Variants in CREB5 observed in about 807,000 individuals in gnomAD.
CREB5 encodes the protein cyclic AMP-responsive element-binding protein 5.
Under a neutral mutation model 57.1 loss-of-function variants are expected in CREB5, and 19 were observed. The ratio of observed to expected loss-of-function variants is 0.33; its 90% CI spans 0.23 to 0.49. CREB5 has a LOEUF of 0.49. CREB5 is among the 20% of genes least tolerant of loss of function. The probability of loss-of-function intolerance (pLI) is 0.99; values close to 1 mark genes in which losing one functional copy is unlikely to be tolerated. For synonymous variants in CREB5, 238 were observed against 238.3 expected, an observed-to-expected ratio of 1.00 and a Z score of 0.01; for missense variants, 579 against 671.6, an observed-to-expected ratio of 0.86 and a Z score of 1.52.
rs1000552121 is a variant in CREB5 at position 28,774,487 on chromosome 7, G to A, written c.703-29712G>A. ...CCCTGTGTGCTCTTCCCAGAATCCT[G>A]CATTTACAGTATGGACATTTGTTAT... On this transcript the variant is annotated intron_variant, in intron 7 of 10. Coordinates refer to ENST00000357727, the MANE Select transcript of CREB5 (RefSeq NM_182898.4). 2.2e-4 allele frequency among the ~76,000 whole-genome samples: 33 copies of A among 152,264 alleles called. 2 individuals carry two copies. The highest frequency in any genetic ancestry group is 7.2e-4 in the African/African-American group (30 of 41,564).
At chr7:28,594,864 C>T (rs1427425540) in intron 5 of CREB5, among the ~76,000 whole-genome samples, 1 of 151,984 alleles carries the variant, frequency 6.6e-6, no homozygotes, top group African/African-American at 2.4e-5. Flanking sequence ...TTAATTCTTC[C>T]TCCTCCTTCT....
At chr7:28,794,490 G>A (rs940260391) in intron 7 of CREB5, among the ~76,000 whole-genome samples, 6 of 152,198 alleles carry the variant, frequency 3.9e-5, no homozygotes, top group Admixed American at 3.9e-4. Context: ...AAAATTCCCA[G>A]GGAAACTAGC....
chr7:28,586,917 G>A (rs570343048), intron 5 of CREB5, among the ~76,000 whole-genome samples: 8 of 152,286 alleles, frequency 5.3e-5, no homozygotes, highest in South Asian at 2.1e-4. Flanking sequence ...GAAGGGCTGC[G>A]GACCAGAGTG....
intron 5 of CREB5, among the ~76,000 whole-genome samples, chr7:28,627,617 C>T (rs1400888535): frequency 6.6e-6 from 1 of 152,116 alleles, no homozygotes; most frequent in Non-Finnish European, 1.5e-5. Flanking sequence ...CATGACCTGC[C>T]TCTTGAAATG....
chr7:28,489,187 CTT>C (rs1383184435), intron 2 of CREB5, among the ~76,000 whole-genome samples: 2 of 151,628 alleles, frequency 1.3e-5, no homozygotes, highest in Non-Finnish European at 2.9e-5. Context: ...GAGTTACAGT[CTT>C]TCCCTCACTC....
chr7:28,524,316 AACACACACACACACACACACACACAC>A (rs4000595), intron 4 of CREB5, among the ~76,000 whole-genome samples: 5 of 136,652 alleles, frequency 3.7e-5, no homozygotes, highest in African/African-American at 1.1e-4. Flanking sequence ...GCCTCTACTA[AACACACACACACACACACACACACAC>A]ACACACACAC....
intron 7 of CREB5, among the ~76,000 whole-genome samples, chr7:28,780,262 C>A (rs545419640): frequency 6.6e-6 from 1 of 152,312 alleles, no homozygotes; most frequent in South Asian, 2.1e-4. Context: ...ACGAAAGAAG[C>A]TGAATGCCAT....
chr7:28,688,248 T>G (rs1473311010), intron 5 of CREB5, among the ~76,000 whole-genome samples: 2 of 152,092 alleles, frequency 1.3e-5, no homozygotes, highest in African/African-American at 2.4e-5. Flanking sequence ...ATGAGATAAA[T>G]TACCTAGGTG....
At chr7:28,408,732 C>CT, upstream of CREB5, among the ~76,000 whole-genome samples, 1 of 151,960 alleles carries the variant, frequency 6.6e-6, no homozygotes, top group Admixed American at 6.6e-5. Flanking sequence ...AGAGTGTGCA[C>CT]CATAAGGAAG....
chr7:28,451,692 T>C (rs1375903328), intron 1 of CREB5, among the ~76,000 whole-genome samples: 2 of 152,078 alleles, frequency 1.3e-5, no homozygotes, highest in African/African-American at 2.4e-5. Flanking sequence ...AGGTTGCATG[T>C]GCACAGAAGT....
At chr7:28,690,418 A>G (rs1405027031) in intron 5 of CREB5, among the ~76,000 whole-genome samples, 1 of 152,156 alleles carries the variant, frequency 6.6e-6, no homozygotes, top group African/African-American at 2.4e-5. Flanking sequence ...GAGCCCTTTT[A>G]CAGCAGGAAG....
At chr7:28,378,199 A>G (rs1482621426) in intron 1 of CREB5, among the ~76,000 whole-genome samples, 1 of 152,088 alleles carries the variant, frequency 6.6e-6, no homozygotes, top group African/African-American at 2.4e-5. Context: ...TCTGTAAGTT[A>G]GTCTTTAGCT....
At chr7:28,566,980 GGA>G (rs960865874) in intron 4 of CREB5, among the ~76,000 whole-genome samples, 9 of 152,096 alleles carry the variant, frequency 5.9e-5, no homozygotes, top group African/African-American at 1.7e-4. Flanking sequence ...AACTTTTGGG[GGA>G]GAGGGGATTA....
At chr7:28,653,443 C>T (rs1327429029) in intron 5 of CREB5, among the ~76,000 whole-genome samples, 1 of 152,124 alleles carries the variant, frequency 6.6e-6, no homozygotes, top group African/African-American at 2.4e-5. Context: ...TGAAAACATT[C>T]ATTATACATT....
chr7:28,581,067 G>A (rs1350941773), intron 5 of CREB5, among the ~76,000 whole-genome samples: 1 of 152,096 alleles, frequency 6.6e-6, no homozygotes, highest in Non-Finnish European at 1.5e-5. Flanking sequence ...TAACAAGATG[G>A]GTCTTCAGTT....
At chr7:28,315,487 G>C (rs934002020) in intron 1 of CREB5, among the ~76,000 whole-genome samples, 3 of 152,212 alleles carry the variant, frequency 2.0e-5, no homozygotes, top group African/African-American at 2.4e-5. Context: ...CCAGCCGGGT[G>C]CTGCAGAAAA....
intron 5 of CREB5, chr7:28,609,122 T>C (rs1461555705): frequency 6.6e-6 from 1 of 152,180 alleles, no homozygotes; most frequent in African/African-American, 2.4e-5. Context: ...AGACCTGAGG[T>C]AGGTATGTAG....
At chr7:28,773,053 G>C (rs1170197326) in intron 7 of CREB5, among the ~76,000 whole-genome samples, 1 of 152,136 alleles carries the variant, frequency 6.6e-6, no homozygotes, top group Non-Finnish European at 1.5e-5. Flanking sequence ...TTTAGACATT[G>C]TTAGTCTTAT....
intron 4 of CREB5, among the ~76,000 whole-genome samples, chr7:28,549,684 T>A (rs1351285181): frequency 6.6e-6 from 1 of 152,236 alleles, no homozygotes; most frequent in African/African-American, 2.4e-5. Context: ...ATGTTGTTTA[T>A]TTCACTGGAT....
Sources: allele counts gnomAD v4.1 joint callset (sites outside exome capture counted in the v4.1 genomes callset), GRCh38; gene constraint gnomAD v4.1.1; transcripts MANE v1.5; gene names NCBI Gene and HGNC (gene_info 2026-07-23, HGNC 2026-07-21).